The following MGST2 variants were observed in gnomAD, a reference collection of about 807,000 sequenced individuals.
MGST2 encodes glutathione peroxidase MGST2.
In MGST2, 9 loss-of-function variants were observed where a neutral mutation model predicts 16.6. That is an observed-to-expected ratio of 0.54 (90% confidence interval 0.33 to 0.95). The LOEUF (loss-of-function observed/expected upper bound fraction) is 0.95, where lower values mean the gene tolerates loss of function less well. MGST2 is among the 40% of genes least tolerant of loss of function. The pLI is 0.03. For missense variants in MGST2, 159 were observed against 175.1 expected (o/e 0.91, Z 0.52); for synonymous variants, 79 against 68.0 (o/e 1.16, Z -0.79).
intron 3 of MGST2, among the ~76,000 whole-genome samples, chr4:139,698,912 A>C (rs530551270): frequency 1.3e-5 from 2 of 151,348 alleles, no homozygotes; most frequent in East Asian, 3.9e-4. Context: ...ACCTCAATCT[A>C]TGACACATAT....
At chr4:139,719,123 A>C (rs558988548) in intron 5 of MGST2, 2 of 590,724 alleles carry the variant, frequency 3.4e-6, no homozygotes, top group South Asian at 5.0e-5. Context: ...TCTCATCTCG[A>C]TTGCTGTGTG....
intron 2 of MGST2, among the ~76,000 whole-genome samples, chr4:139,689,241 CA>C (rs1187835624): frequency 1.3e-5 from 2 of 151,836 alleles, no homozygotes; most frequent in Non-Finnish European, 2.9e-5. Flanking sequence ...TCCAGGTGGT[CA>C]GGGGACAAGA....
chr4:139,736,199 C>G (rs6845172), intron 5 of MGST2, among the ~76,000 whole-genome samples: 35,426 of 152,016 alleles, frequency 0.23, 4,649 homozygotes, highest in African/African-American at 0.36. Context: ...TTTAGCCCAA[C>G]TGGGATTTCG....
downstream of MGST2, among the ~76,000 whole-genome samples, chr4:139,709,170 C>T (rs1727645539): frequency 7.1e-6 from 1 of 140,044 alleles, no homozygotes; most frequent in Non-Finnish European, 1.5e-5. Context: ...GCAAGCTCTG[C>T]CTCCCAGGTT....
chr4:139,702,489 G>GT (rs542229041), intron 3 of MGST2, among the ~76,000 whole-genome samples: 6 of 151,618 alleles, frequency 4.0e-5, no homozygotes, highest in Admixed American at 2.0e-4. Flanking sequence ...GCATAGATCT[G>GT]TTTTTTTTCA....
downstream of MGST2, among the ~76,000 whole-genome samples, chr4:139,742,002 A>G (rs556388754): frequency 1.1e-3 from 163 of 152,326 alleles, no homozygotes; most frequent in Middle Eastern, 3.4e-3. Context: ...GGGCATAAAA[A>G]TAAGTTTTAG....
rs1378024284 is a variant in MGST2, at chr4:139,665,975, G to A, written c.-45G>A. 6.2e-7 allele frequency: 1 copy of A among 1,602,012 alleles called. No homozygotes were observed. The highest frequency in any genetic ancestry group is 2.2e-5 in the East Asian group (1 of 44,812). ...AGGTCAGCATTCAAAGTCAAGAAGC[G>A]CCATTTATCTTCCCGTGCGCTCTAC... On this transcript the variant is annotated 5_prime_UTR_variant, in exon 1 of 5. Coordinates refer to ENST00000265498, the MANE Select transcript of MGST2 (RefSeq NM_002413.5).
At chr4:139,723,835 T>C (rs1728358737) in intron 5 of MGST2, among the ~76,000 whole-genome samples, 1 of 152,226 alleles carries the variant, frequency 6.6e-6, no homozygotes, top group Non-Finnish European at 1.5e-5. Flanking sequence ...GTTCCCTAGC[T>C]AGCAAAATCA....
At chr4:139,719,464 C>A (rs1284498829) in intron 5 of MGST2, 1 of 1,614,022 alleles carries the variant, frequency 6.2e-7, no homozygotes, top group Non-Finnish European at 8.5e-7. Flanking sequence ...AATTGTATGA[C>A]ACGTCCTGAG....
At chr4:139,673,296 T>A (rs1057512595) in intron 1 of MGST2, among the ~76,000 whole-genome samples, 4 of 152,160 alleles carry the variant, frequency 2.6e-5, no homozygotes, top group African/African-American at 9.7e-5. Context: ...GCACCAGGAT[T>A]TGCAGTGACA....
chr4:139,702,101 G>C (rs1727282711), intron 3 of MGST2, among the ~76,000 whole-genome samples: 1 of 152,214 alleles, frequency 6.6e-6, no homozygotes, highest in South Asian at 2.1e-4. Flanking sequence ...CTGAGGAAGA[G>C]AGTGGGGCCC....
intron 5 of MGST2, among the ~76,000 whole-genome samples, chr4:139,732,016 T>C (rs1489875233): frequency 1.3e-5 from 2 of 152,228 alleles, no homozygotes; most frequent in Non-Finnish European, 2.9e-5. Flanking sequence ...GTAATTAATG[T>C]GAAATGGAGG....
intron 5 of MGST2, among the ~76,000 whole-genome samples, chr4:139,711,804 C>T (rs549415716): frequency 6.6e-6 from 1 of 152,264 alleles, no homozygotes; most frequent in African/African-American, 2.4e-5. Flanking sequence ...CATTTCCCCC[C>T]TTTCTTTTAT....
At chr4:139,723,442 C>G (rs345979) in intron 5 of MGST2, among the ~76,000 whole-genome samples, 44,409 of 152,110 alleles carry the variant, frequency 0.29, 8,305 homozygotes, top group Middle Eastern at 0.44. Flanking sequence ...TCCGGAGTAG[C>G]TGGGATTACA....
intron 5 of MGST2, chr4:139,719,096 C>T (rs1728113952): frequency 3.8e-6 from 2 of 521,252 alleles, no homozygotes; most frequent in East Asian, 6.6e-5. Flanking sequence ...TCTCTCGCAG[C>T]CGGGATCTGC....
downstream of MGST2, among the ~76,000 whole-genome samples, chr4:139,743,138 C>A (rs1729216953): frequency 6.6e-6 from 1 of 152,232 alleles, no homozygotes; most frequent in South Asian, 2.1e-4. Context: ...TGCTTTACAG[C>A]ATAACCACGA....
the MGST2 span, among the ~76,000 whole-genome samples, chr4:139,749,892 C>CA: frequency 3.7e-5 from 5 of 133,684 alleles, no homozygotes; most frequent in African/African-American, 1.2e-4. Flanking sequence ...AGAACCCCCC[C>CA]CCACCCTATT....
chr4:139,703,566 T>C (rs1227241573), intron 4 of MGST2, 30 bp downstream of exon 4: 3 of 1,591,896 alleles, frequency 1.9e-6, no homozygotes, highest in Non-Finnish European at 2.6e-6. Context: ...TTTGTATTTA[T>C]GCAAAAAGTA....
chr4:139,723,889 G>A (rs994967424), intron 5 of MGST2, among the ~76,000 whole-genome samples: 2 of 152,138 alleles, frequency 1.3e-5, no homozygotes, highest in Non-Finnish European at 2.9e-5. Flanking sequence ...CTCAAGCCCC[G>A]CTTCAGATTT....
Sources: gnomAD v4.1 joint callset for allele counts (sites outside exome capture counted in the v4.1 genomes callset) on GRCh38, gnomAD v4.1.1 for gene constraint, MANE v1.5 for transcripts, NCBI Gene and HGNC (gene_info 2026-07-23, HGNC 2026-07-21) for gene names.